Variants in RALGAPA1 observed in about 807,000 individuals in gnomAD.
RALGAPA1 encodes ral GTPase-activating protein subunit alpha-1.
In RALGAPA1, 52 loss-of-function variants were observed where a neutral mutation model predicts 269.6. That is an observed-to-expected ratio of 0.19 (90% CI 0.15 to 0.24). The LOEUF (loss-of-function observed/expected upper bound fraction) is 0.24, where lower values mean the gene tolerates loss of function less well. RALGAPA1 is among the 10% of genes least tolerant of loss of function. The probability of loss-of-function intolerance (pLI) is 1.00; values close to 1 mark genes in which losing one functional copy is unlikely to be tolerated. For synonymous variants in RALGAPA1, 817 were observed against 1,008.3 expected (o/e 0.81, Z 3.60); for missense variants, 1,917 against 3,013.9 (o/e 0.64, Z 8.52).
chr14:35,677,880 C>A (rs768138027), intron 22 of RALGAPA1, 70 bp downstream of exon 22: 4 of 1,377,204 alleles, frequency 2.9e-6, no homozygotes, highest in Non-Finnish European at 3.1e-6. Context: ...ATGTAAGATG[C>A]CTTATTTATG....
chr14:35,668,893 T>G (rs2064171202), intron 26 of RALGAPA1, among the ~76,000 whole-genome samples: 1 of 152,212 alleles, frequency 6.6e-6, no homozygotes, highest in South Asian at 2.1e-4. Context: ...AATGATTTTT[T>G]TTTTAAATAA....
At chr14:35,584,236 T>G (rs2058129929) in intron 37 of RALGAPA1, among the ~76,000 whole-genome samples, 2 of 152,138 alleles carry the variant, frequency 1.3e-5, no homozygotes, top group African/African-American at 2.4e-5. Flanking sequence ...GAATACTTTG[T>G]TATTGCAAGC....
chr14:35,683,814 A>G lies in RALGAPA1; in HGVS notation c.4466T>C (p.Ile1489Thr). The G allele has an allele frequency of 6.3e-7, 1 of 1,594,118 alleles. No homozygotes were observed. The highest frequency in any genetic ancestry group is 8.6e-7 in the Non-Finnish European group (1 of 1,166,892). Residue 1489 changes from isoleucine (I) to threonine (T), a missense_variant, in exon 21 of 42, where the codon ATT becomes ACT. Around this residue, in one of 11 missense-constraint regions of RALGAPA1, gnomAD observed 615 missense variants for 790.0 expected, o/e 0.78. Coordinates refer to ENST00000680220, the MANE Select transcript of RALGAPA1 (RefSeq NM_001346249.2). ...ATTCCCATGAATAACTTTACCAGTAATAGTTGCAACTTCAGCAGAGAAAGC... is the reference window on the plus strand; with the variant it reads ...ATTCCCATGAATAACTTTACCAGTAGTAGTTGCAACTTCAGCAGAGAAAGC... ...QQAFSAEVAT[I>T]TGSESASPVH... is the part of the protein sequence containing the mutation.
chr14:35,640,780 A>G (rs1273028241), intron 31 of RALGAPA1, among the ~76,000 whole-genome samples: 1 of 152,218 alleles, frequency 6.6e-6, no homozygotes, highest in Non-Finnish European at 1.5e-5. Flanking sequence ...ATCAACAAAA[A>G]GAAAACTACA....
chr14:35,541,192 C>T (rs1452732358), intron 41 of RALGAPA1, among the ~76,000 whole-genome samples: 6 of 151,652 alleles, frequency 4.0e-5, no homozygotes, highest in South Asian at 2.1e-4. Flanking sequence ...ACCACAGGTG[C>T]GCACCACCAC....
intron 27 of RALGAPA1, among the ~76,000 whole-genome samples, chr14:35,663,551 C>A (rs1451671628): frequency 6.6e-6 from 1 of 151,122 alleles, no homozygotes; most frequent in African/African-American, 2.4e-5. Flanking sequence ...ATTACTGTGA[C>A]AAGCACAACT....
intron 16 of RALGAPA1, among the ~76,000 whole-genome samples, chr14:35,719,885 G>C (rs1224993346): frequency 6.6e-6 from 1 of 151,964 alleles, no homozygotes; most frequent in African/African-American, 2.4e-5. Context: ...CGAGCAGCTG[G>C]GATTACAGGC....
Position 35,654,367 on chromosome 14 carries a change from T to G in RALGAPA1, c.5607A>C (p.Gln1869His). ...YQPDSPLKII[Q>H]ILIATITHLL... is the part of the protein sequence containing the mutation. ...AATAAATAAATGAGAAATTACTTAC[T>G]TGAATAATTTTCAAGGGAGAATCAG... The change falls in exon 30 of 42, where the codon CAA (glutamine) becomes CAC (histidine). Residue 1869 changes from glutamine (Q) to histidine (H), a missense_variant and splice_region_variant. Coordinates refer to ENST00000680220, the MANE Select transcript of RALGAPA1 (RefSeq NM_001346249.2). The G allele has an allele frequency of 6.3e-7, 1 of 1,583,240 alleles. No homozygotes were observed. Among genetic ancestry groups the G allele is most frequent in the South Asian group, 1.2e-5 (1 of 82,692 alleles).
intron 17 of RALGAPA1, 64 bp from the exon 18 acceptor site, chr14:35,690,067 T>G (rs1345372029): frequency 8.4e-7 from 1 of 1,192,682 alleles, no homozygotes; most frequent in African/African-American, 1.6e-5. Flanking sequence ...ATTATTAATT[T>G]CAATAATGCT....
chr14:35,792,227 G>A (rs1188042986), intron 1 of RALGAPA1, among the ~76,000 whole-genome samples: 1 of 152,044 alleles, frequency 6.6e-6, no homozygotes, highest in East Asian at 2.0e-4. Context: ...CACGATTTCA[G>A]CTCACTGGAA....
chr14:35,797,015 C>T (rs1298324798), intron 1 of RALGAPA1, among the ~76,000 whole-genome samples: 1 of 152,030 alleles, frequency 6.6e-6, no homozygotes, highest in Non-Finnish European at 1.5e-5. Flanking sequence ...TCTCGATCTC[C>T]TGACCTCGTG....
rs188229762 is a variant in RALGAPA1, at chr14:35,719,961, T to C, written c.2266+1727A>G. ...TACAGACGGGGTTTCAGCATGTTGG[T>C]CAGGCTGGTCTCGAACTCCTGACCT... On this transcript the variant is annotated intron_variant, in intron 16 of 41. Coordinates refer to ENST00000680220, the MANE Select transcript of RALGAPA1 (RefSeq NM_001346249.2). Among the ~76,000 whole-genome samples, 692 of 151,978 alleles carry C rather than the reference T, an allele frequency of 4.6e-3. 4 individuals are homozygous for C. The highest frequency in any genetic ancestry group is 6.9e-3 in the Admixed American group (106 of 15,262).
chr14:35,690,956 C>T lies in RALGAPA1; in HGVS notation c.2408-953G>A, dbSNP rs1372862158. On this transcript the variant is annotated intron_variant, in intron 17 of 41. Transcript: ENST00000680220. ...TGGTGGTGCATGCCTGTAATTCCAG[C>T]TACTTGGGAGGCTGAGGCAGGAGAA... 2.0e-5 allele frequency among the ~76,000 whole-genome samples: 3 copies of T among 151,924 alleles called. No homozygotes were observed. In the East Asian group the frequency reaches 5.8e-4, roughly 29 times the overall value.
At chr14:35,652,941 A>G (rs1264858477) in intron 30 of RALGAPA1, among the ~76,000 whole-genome samples, 1 of 152,200 alleles carries the variant, frequency 6.6e-6, no homozygotes, top group Non-Finnish European at 1.5e-5. Flanking sequence ...GTATGCTATT[A>G]CATTTTTTAG....
At chr14:35,549,279 G>A (rs763072721) in intron 39 of RALGAPA1, 45 bp from the exon 40 acceptor site, 45 of 1,550,786 alleles carry the variant, frequency 2.9e-5, no homozygotes, top group African/African-American at 2.8e-5. Context: ...AGCTTATACT[G>A]GAAAAAAAAT....
intron 39 of RALGAPA1, among the ~76,000 whole-genome samples, chr14:35,550,719 C>T (rs903679152): frequency 6.6e-6 from 1 of 152,136 alleles, no homozygotes; most frequent in Admixed American, 6.6e-5. Flanking sequence ...GCTTCTATTA[C>T]AATTTATCTT....
intron 36 of RALGAPA1, among the ~76,000 whole-genome samples, chr14:35,604,807 G>T (rs1331027376): frequency 6.6e-6 from 1 of 151,982 alleles, no homozygotes; most frequent in Non-Finnish European, 1.5e-5. Flanking sequence ...AAAATGTCTG[G>T]TATTAAACTG....
At chr14:35,804,021 G>C (rs1026491226) in intron 1 of RALGAPA1, among the ~76,000 whole-genome samples, 1 of 152,144 alleles carries the variant, frequency 6.6e-6, no homozygotes, top group Non-Finnish European at 1.5e-5. Context: ...CAATGGTCTT[G>C]GGAGGCCGAG....
intron 37 of RALGAPA1, among the ~76,000 whole-genome samples, chr14:35,595,215 C>T (rs1464656701): frequency 6.6e-6 from 1 of 151,460 alleles, no homozygotes; most frequent in Non-Finnish European, 1.5e-5. Flanking sequence ...GTAGGATGAA[C>T]AAGTCTAGAG....
Sources: allele counts gnomAD v4.1 joint callset (sites outside exome capture counted in the v4.1 genomes callset), GRCh38; gene constraint gnomAD v4.1.1; regional missense constraint gnomAD v4.1.1; transcripts MANE v1.5; gene names NCBI Gene and HGNC (gene_info 2026-07-23, HGNC 2026-07-21).